The following MAGI2 variants were observed in gnomAD, a reference collection of about 807,000 sequenced individuals.
The protein encoded by MAGI2 is membrane associated guanylate kinase, WW and PDZ domain containing 2.
Under a neutral mutation model 133.3 loss-of-function variants are expected in MAGI2, and 35 were observed. That is an observed-to-expected ratio of 0.26 (90% CI 0.20 to 0.35). MAGI2 has a LOEUF of 0.35. MAGI2 is among the 10% of genes least tolerant of loss of function. The probability of loss-of-function intolerance (pLI) is 1.00; values close to 1 mark genes in which losing one functional copy is unlikely to be tolerated. For missense variants in MAGI2, 1,636 were observed against 1,863.4 expected, an observed-to-expected ratio of 0.88 and a Z score of 2.25; for synonymous variants, 729 against 710.6, an observed-to-expected ratio of 1.03 and a Z score of -0.41.
At chr7:78,937,708 A>G (rs974710060) in intron 2 of MAGI2, among the ~76,000 whole-genome samples, 26 of 152,266 alleles carry the variant, frequency 1.7e-4, no homozygotes, top group Admixed American at 5.9e-4. Flanking sequence ...TATACTAGTT[A>G]TAGACATGGT....
chr7:79,444,293 A>G (rs1352387777), intron 1 of MAGI2, among the ~76,000 whole-genome samples: 2 of 152,166 alleles, frequency 1.3e-5, no homozygotes, highest in Admixed American at 1.3e-4. Context: ...TATTCAACAT[A>G]GTGTTGGAAG....
intron 2 of MAGI2, among the ~76,000 whole-genome samples, chr7:78,843,256 G>A (rs562339695): frequency 6.6e-6 from 1 of 151,904 alleles, no homozygotes; most frequent in African/African-American, 2.4e-5. Context: ...CTTCAGTTTT[G>A]AAATATAGCA....
At chr7:78,962,840 T>TCG (rs1802964529) in intron 2 of MAGI2, among the ~76,000 whole-genome samples, 1 of 151,430 alleles carries the variant, frequency 6.6e-6, no homozygotes, top group Admixed American at 6.6e-5. Context: ...CAAATTAAAC[T>TCG]CTTTTAAGTG....
At chr7:79,194,635 T>C (rs1827930808) in intron 1 of MAGI2, among the ~76,000 whole-genome samples, 1 of 151,942 alleles carries the variant, frequency 6.6e-6, no homozygotes, top group Non-Finnish European at 1.5e-5. Flanking sequence ...GTGTGTCACA[T>C]ATATTTAATA....
chr7:78,159,067 G>A (rs1824691105), intron 16 of MAGI2, among the ~76,000 whole-genome samples: 1 of 151,956 alleles, frequency 6.6e-6, no homozygotes, highest in Non-Finnish European at 1.5e-5. Context: ...CATTTCCCAA[G>A]CCCCTACCCA....
At chr7:79,037,918 T>G (rs1401600784) in intron 1 of MAGI2, among the ~76,000 whole-genome samples, 4 of 152,224 alleles carry the variant, frequency 2.6e-5, no homozygotes, top group Non-Finnish European at 5.9e-5. Flanking sequence ...CATGTTCCTC[T>G]GTCCCTTGAA....
chr7:78,719,571 A>T (rs955726556), intron 2 of MAGI2, among the ~76,000 whole-genome samples: 6 of 152,256 alleles, frequency 3.9e-5, no homozygotes, highest in Admixed American at 1.3e-4. Flanking sequence ...GGGTTTATGC[A>T]GGATCTTGCA....
At chr7:78,889,791 C>A (rs1222966276) in intron 2 of MAGI2, among the ~76,000 whole-genome samples, 1 of 152,098 alleles carries the variant, frequency 6.6e-6, no homozygotes, top group Non-Finnish European at 1.5e-5. Context: ...ATTGTGAAGA[C>A]CATTGAGGCT....
At chr7:78,332,816 T>C (rs747355994) in intron 9 of MAGI2, among the ~76,000 whole-genome samples, 23 of 152,018 alleles carry the variant, frequency 1.5e-4, no homozygotes, top group Non-Finnish European at 3.1e-4. Context: ...AGTGGAGATA[T>C]TAGGTATTTG....
intron 6 of MAGI2, 125 bp from the exon 7 acceptor site, chr7:78,369,338 A>T: frequency 1.5e-6 from 1 of 648,874 alleles, no homozygotes. Context: ...ATTCAGAGTC[A>T]GCAGCAAATT....
chr7:78,202,601 G>A (rs1829350524), intron 10 of MAGI2, among the ~76,000 whole-genome samples: 1 of 144,304 alleles, frequency 6.9e-6, no homozygotes, highest in South Asian at 2.2e-4. Flanking sequence ...GAGAATCGCT[G>A]GAACTCGGGA....
At chr7:78,252,503 A>G (rs999236859) in intron 10 of MAGI2, 1 of 151,990 alleles carries the variant, frequency 6.6e-6, no homozygotes, top group Non-Finnish European at 1.5e-5. Flanking sequence ...CTTAATTCAC[A>G]GTATACACAA....
rs569108312 is a variant in MAGI2 at position 78,813,174 on chromosome 7, C to G, written c.419-185935G>C. ...TTTACCCAAACTATTCCAGAAAGTA[C>G]AATAGGAAGGAACACTTTCATTCTT... On this transcript the variant is annotated intron_variant, in intron 2 of 21. Transcript: ENST00000354212. Among the ~76,000 whole-genome samples the G allele has an allele frequency of 5.3e-5, 8 of 152,192 alleles. No individual in the cohort carries two copies. In the South Asian group the frequency reaches 1.7e-3, roughly 32 times the overall value.
chr7:78,848,479 T>A (rs73137300), intron 2 of MAGI2, among the ~76,000 whole-genome samples: 2,460 of 152,126 alleles, frequency 0.016, 28 homozygotes, highest in Non-Finnish European at 0.028. Context: ...AATATACATT[T>A]TAAAGACTTA....
intron 2 of MAGI2, among the ~76,000 whole-genome samples, chr7:78,634,323 T>A (rs1043757355): frequency 2.6e-5 from 4 of 152,222 alleles, no homozygotes; most frequent in African/African-American, 9.6e-5. Context: ...TTGAAAAGTG[T>A]GAAAGTGCTC....
rs897322950 is a variant in MAGI2 at position 78,219,562 on chromosome 7, T to TC, written c.2048-18370dup. ...TCTCCTTCTAAATCAGCCTTGTCCTTCCCCCCCACCGATGTCAAGACCAAC... is the reference window on the plus strand; with the variant it reads ...TCTCCTTCTAAATCAGCCTTGTCCTTCCCCCCCCACCGATGTCAAGACCAAC... On this transcript the variant is annotated intron_variant, in intron 10 of 21. Transcript: ENST00000354212. Among the ~76,000 whole-genome samples, 13 of 151,610 alleles carry TC rather than the reference T, an allele frequency of 8.6e-5. No individual in the cohort carries two copies. The South Asian group carries it at 1.0e-3, about 12-fold the overall frequency.
intron 6 of MAGI2, among the ~76,000 whole-genome samples, chr7:78,421,308 T>G (rs544139940): frequency 6.6e-6 from 1 of 152,302 alleles, no homozygotes; most frequent in East Asian, 1.9e-4. Context: ...AAAAGCTGCA[T>G]AGTTTGGGTA....
At chr7:78,577,044 C>T (rs1175680665) in intron 3 of MAGI2, among the ~76,000 whole-genome samples, 1 of 152,110 alleles carries the variant, frequency 6.6e-6, no homozygotes, top group Non-Finnish European at 1.5e-5. Context: ...GGGGTGTCAG[C>T]CATGCACAGG....
At chr7:78,836,413 T>A (rs1218924841) in intron 2 of MAGI2, among the ~76,000 whole-genome samples, 3 of 152,192 alleles carry the variant, frequency 2.0e-5, no homozygotes, top group African/African-American at 7.2e-5. Context: ...TTCACCTCTA[T>A]AGCATAGCTA....
Sources: gnomAD v4.1 joint callset for allele counts (sites outside exome capture counted in the v4.1 genomes callset) on GRCh38, gnomAD v4.1.1 for gene constraint, MANE v1.5 for transcripts, NCBI Gene and HGNC (gene_info 2026-07-23, HGNC 2026-07-21) for gene names.